ALK: variants seen among roughly 807,000 people sequenced by gnomAD.
ALK encodes the protein ALK receptor tyrosine kinase.
In ALK, 74 loss-of-function variants were observed where a neutral mutation model predicts 163.1. The ratio of observed to expected loss-of-function variants is 0.45; its 90% CI spans 0.38 to 0.55. ALK has a LOEUF of 0.55. ALK is among the 20% of genes least tolerant of loss of function. The probability of loss-of-function intolerance (pLI) is 0.00; values close to 1 mark genes in which losing one functional copy is unlikely to be tolerated. For missense variants in ALK, 2,063 were observed against 2,105.3 expected, an observed-to-expected ratio of 0.98 and a Z score of 0.39; for synonymous variants, 960 against 843.2, an observed-to-expected ratio of 1.14 and a Z score of -2.40.
Position 29,849,102 on chromosome 2 carries a change from G to A in ALK, c.667+70891C>T, listed in dbSNP as rs541894480. The stretch of plus-strand genomic sequence containing the variant: ...AGCTGCCCCCCATCTCACAGGACCC[G>A]CCTGCTCTTCCCACCTCTCTAAGCA... On this transcript the variant is annotated intron_variant, in intron 1 of 28. Coordinates refer to ENST00000389048, the MANE Select transcript of ALK (RefSeq NM_004304.5). Among the ~76,000 whole-genome samples the A allele has an allele frequency of 3.4e-4, 51 of 152,126 alleles. No homozygotes were observed. In the South Asian group the frequency reaches 4.4e-3, roughly 13 times the overall value.
chr2:29,830,712 T>TAAAAAAAAAAA lies in ALK; in HGVS notation c.667+89280_667+89281insTTTTTTTTTTT, dbSNP rs1665344950. Among the ~76,000 whole-genome samples the TAAAAAAAAAAA allele has an allele frequency of 5.0e-4, 32 of 63,520 alleles. 11 individuals carry two copies. The highest frequency in any genetic ancestry group is 1.5e-3 in the African/African-American group (24 of 16,064). 41.7% of individuals were successfully genotyped at this position (63,520 alleles called of 152,430 possible). A position where few individuals can be genotyped will look rare whatever the true frequency, so the allele number is the denominator to read the frequency against. The stretch of plus-strand genomic sequence containing the variant: ...AGCAAGACCCTGTCTCTAAAATAGT[T>TAAAAAAAAAAA]TAAAAAAAAAAAAAAAAAAAAAAAA... On this transcript the variant is annotated intron_variant, in intron 1 of 28. Transcript: ENST00000389048.
rs1246903525 is a variant in ALK at position 29,246,310 on chromosome 2, G to A, written c.2204+4795C>T. ...CGCCTCTGCCTGTGGCAGGCCACCC[G>A]TGGGCTCTCACTGAGTCCCCCAACA... On this transcript the variant is annotated intron_variant, in intron 12 of 28. Transcript: ENST00000389048. The surrounding 1 kb of genome is among the most constrained non-coding windows in gnomAD (Gnocchi z 4.3). Among the ~76,000 whole-genome samples the A allele has an allele frequency of 4.6e-5, 7 of 152,232 alleles. No individual in the cohort carries two copies. Among genetic ancestry groups the A allele is most frequent in the South Asian group, 2.1e-4 (1 of 4,826 alleles).
chr2:29,234,583 C>G (rs1278040383), intron 13 of ALK, among the ~76,000 whole-genome samples: 6 of 152,054 alleles, frequency 3.9e-5, no homozygotes, highest in Admixed American at 2.0e-4. Flanking sequence ...ATCAGGTAGT[C>G]TGGATTCTCC....
intron 1 of ALK, among the ~76,000 whole-genome samples, chr2:29,756,645 G>A (rs1162561774): frequency 6.6e-6 from 1 of 151,394 alleles, no homozygotes; most frequent in African/African-American, 2.4e-5. Flanking sequence ...TCCTGCCTCA[G>A]CCTCCTGAGT....
At chr2:29,913,820 T>C (rs946620184) in intron 1 of ALK, among the ~76,000 whole-genome samples, 2 of 152,172 alleles carry the variant, frequency 1.3e-5, no homozygotes, top group Non-Finnish European at 2.9e-5. Flanking sequence ...CATTAACCAG[T>C]TGGTAATTTA....
At chr2:29,251,834 ATT>A (rs764599502) in intron 11 of ALK, among the ~76,000 whole-genome samples, 1 of 152,168 alleles carries the variant, frequency 6.6e-6, no homozygotes, top group Non-Finnish European at 1.5e-5. Context: ...GTGATGCTAC[ATT>A]GGCTCAGGGA....
intron 1 of ALK, among the ~76,000 whole-genome samples, chr2:29,843,429 G>C (rs906370091): frequency 6.6e-6 from 1 of 152,162 alleles, no homozygotes; most frequent in East Asian, 1.9e-4. Flanking sequence ...TGGAAGAAAA[G>C]AAGGAAGGAG....
chr2:29,733,883 G>A (rs988445556), intron 1 of ALK, among the ~76,000 whole-genome samples: 1 of 152,100 alleles, frequency 6.6e-6, no homozygotes, highest in African/African-American at 2.4e-5. Flanking sequence ...GAAAAAAGTG[G>A]CCATGGGACA....
intron 4 of ALK, among the ~76,000 whole-genome samples, chr2:29,516,105 A>G (rs1327975864): frequency 6.6e-6 from 1 of 152,228 alleles, no homozygotes; most frequent in African/African-American, 2.4e-5. Flanking sequence ...AGCAGAATGC[A>G]TGCAGACTCA....
chr2:29,257,113 A>G (rs567298229), intron 11 of ALK, among the ~76,000 whole-genome samples: 6 of 152,182 alleles, frequency 3.9e-5, no homozygotes, highest in East Asian at 3.9e-4. Context: ...CTGAAGCCCT[A>G]TGGAGCTGTA....
At chr2:29,303,056 G>C (rs1360049371) in intron 8 of ALK, among the ~76,000 whole-genome samples, 2 of 152,022 alleles carry the variant, frequency 1.3e-5, no homozygotes, top group Admixed American at 6.5e-5. Context: ...CACAACAAAA[G>C]AAACTATAAA....
intron 1 of ALK, among the ~76,000 whole-genome samples, chr2:29,862,749 TCA>T (rs1666326960): frequency 6.6e-6 from 1 of 151,948 alleles, no homozygotes; most frequent in Non-Finnish European, 1.5e-5. Context: ...TGACATTTTT[TCA>T]CAGACATAGA....
chr2:29,508,282 T>C (rs933016937), intron 4 of ALK, among the ~76,000 whole-genome samples: 2 of 152,112 alleles, frequency 1.3e-5, no homozygotes, highest in Non-Finnish European at 2.9e-5. Context: ...CTACTGAAAG[T>C]GGTCTGTTCA....
At position 29,227,932 on chromosome 2, in the gene ALK, G is replaced by C. The variant is rs190344814; in HGVS notation, c.2816-260C>G. Reference sequence around the variant, plus strand: ...CTCTGCCGGTGGCCCACTAAGAAGTGGTTAATGTGAGCAAGAGTCCAAAAA... The same window carrying C: ...CTCTGCCGGTGGCCCACTAAGAAGTCGTTAATGTGAGCAAGAGTCCAAAAA... On this transcript the variant is annotated intron_variant, in intron 16 of 28. Transcript: ENST00000389048. This position sits in a 1 kb window ranked among gnomAD's most constrained non-coding sequence, Gnocchi z 4.4. Among the ~76,000 whole-genome samples, 1 of 152,282 alleles carries C rather than the reference G, an allele frequency of 6.6e-6. No homozygotes were observed.
intron 3 of ALK, among the ~76,000 whole-genome samples, chr2:29,612,915 T>C (rs1675736623): frequency 6.6e-6 from 1 of 152,060 alleles, no homozygotes; most frequent in Admixed American, 6.6e-5. Context: ...TTCAGAACAA[T>C]TCCAGAACAG....
At chr2:29,506,407 AGC>A (rs1672323214) in intron 4 of ALK, among the ~76,000 whole-genome samples, 1 of 152,194 alleles carries the variant, frequency 6.6e-6, no homozygotes, top group Non-Finnish European at 1.5e-5. Context: ...AAACAGGGTG[AGC>A]TCATCAGGGG....
chr2:29,261,139 A>G (rs2148205345), intron 11 of ALK, among the ~76,000 whole-genome samples: 1 of 152,140 alleles, frequency 6.6e-6, no homozygotes, highest in South Asian at 2.1e-4. Flanking sequence ...GCTTTCTGTA[A>G]TTTCTAGCAA....
intron 1 of ALK, among the ~76,000 whole-genome samples, chr2:29,748,011 G>C (rs76331784): frequency 2.0e-5 from 3 of 152,340 alleles, no homozygotes; most frequent in Non-Finnish European, 4.4e-5. Flanking sequence ...GCTTCTCTGA[G>C]CTAGGTATCA....
At chr2:29,421,348 G>A (rs1268046857) in intron 4 of ALK, among the ~76,000 whole-genome samples, 2 of 151,440 alleles carry the variant, frequency 1.3e-5, no homozygotes, top group East Asian at 3.8e-4. Flanking sequence ...GAGAGTCTTG[G>A]TACTCATTTC....
Sources: gnomAD v4.1 joint callset for allele counts (sites outside exome capture counted in the v4.1 genomes callset) on GRCh38, gnomAD v4.1.1 for gene constraint, Gnocchi (gnomAD v3.1) non-coding constraint, MANE v1.5 for transcripts, NCBI Gene and HGNC (gene_info 2026-07-23, HGNC 2026-07-21) for gene names.